MYH15: variants seen among roughly 807,000 people sequenced by gnomAD.
MYH15 encodes myosin-15.
A neutral mutation model predicts 240.5 loss-of-function variants in MYH15; 227 were observed. That is an observed-to-expected ratio of 0.94 (90% CI 0.85 to 1.05). The LOEUF is 1.05. Among genes scored for constraint, MYH15 ranks in the 50% least tolerant of loss-of-function variants. The pLI is 0.00. For synonymous variants in MYH15, 785 were observed against 796.7 expected, an observed-to-expected ratio of 0.99 and a Z score of 0.25; for missense variants, 2,217 against 2,247.5, an observed-to-expected ratio of 0.99 and a Z score of 0.27.
chr3:108,510,570 G>T lies in MYH15; in HGVS notation c.-40C>A. ...TCCACCAAAAAAAGGCCCTAAACGT[G>T]AGTAGGCAAGATTCAACCTGAAAAA... On this transcript the variant is annotated 5_prime_UTR_variant, in exon 1 of 41. Transcript: ENST00000693548. The T allele has an allele frequency of 1.9e-6, 3 of 1,602,634 alleles. 1 individual carries two copies. In the Middle Eastern group the frequency reaches 5.0e-4, roughly 267 times the overall value.
At chr3:108,465,165 G>A (rs1261982765) in intron 14 of MYH15, among the ~76,000 whole-genome samples, 2 of 152,188 alleles carry the variant, frequency 1.3e-5, no homozygotes, top group African/African-American at 4.8e-5. Context: ...AACACTCAAA[G>A]TAAAGAAGTA....
At chr3:108,484,939 G>A in intron 11 of MYH15, 152 bp downstream of exon 11, 1 of 711,500 alleles carries the variant, frequency 1.4e-6, no homozygotes, top group Non-Finnish European at 2.3e-6. Flanking sequence ...CATTAGAATG[G>A]TAGTTGACAG....
At chr3:108,490,916 C>T (rs1295287845) in intron 9 of MYH15, among the ~76,000 whole-genome samples, 2 of 151,208 alleles carry the variant, frequency 1.3e-5, no homozygotes, top group African/African-American at 2.4e-5. Flanking sequence ...GAGACAGAGT[C>T]TCACTCTGTT....
Position 108,439,907 on chromosome 3 carries a change from T to C in MYH15, c.2905A>G (p.Asn969Asp). Residue 969 changes from asparagine to aspartate, a missense_variant, in exon 24 of 41, where the codon AAC (asparagine) becomes GAC (aspartate). Asn to Asp is a conservative substitution (Grantham distance 23, BLOSUM62 1). Coordinates refer to ENST00000693548, the MANE Select transcript of MYH15 (RefSeq NM_014981.3). ...AGAAACTCTACTTCCTCAGTCAAGT[T>C]CTTGACCTGTGGGAAGAAGATGACA... is the stretch of plus-strand genomic sequence containing the variant. ...EKRTTEHKVKNLTEEVEFLNE... is the reference protein window; with the variant it reads ...EKRTTEHKVKDLTEEVEFLNE... 1 of 1,586,996 alleles carries C rather than the reference T, an allele frequency of 6.3e-7. No homozygotes were observed. The highest frequency in any genetic ancestry group is 8.6e-7 in the Non-Finnish European group (1 of 1,167,366).
At chr3:108,451,372 T>C (rs1022774470) in intron 21 of MYH15, among the ~76,000 whole-genome samples, 5 of 151,914 alleles carry the variant, frequency 3.3e-5, no homozygotes, top group Non-Finnish European at 7.4e-5. Flanking sequence ...AGAGAGAGAC[T>C]CTGTCTCAAA....
At chr3:108,507,814 C>T (rs1227048670) in intron 1 of MYH15, among the ~76,000 whole-genome samples, 2 of 152,046 alleles carry the variant, frequency 1.3e-5, no homozygotes, top group Non-Finnish European at 2.9e-5. Flanking sequence ...ATTTTGGTCC[C>T]TTTTTGCAAA....
rs747161753 is a variant in MYH15 at position 108,444,780 on chromosome 3, C to G, written c.2515G>C (p.Glu839Gln). ...TCTTCCTTCAGTCCAGCTACTTCTT[C>G]TCCTACTTCTGAAGATTTAACAAGA... ...KPLVKSSEVG[E>Q]EVAGLKEECA... The change falls in exon 22 of 41, where the codon GAA becomes CAA. Residue 839 changes from glutamate (E) to glutamine (Q), a missense_variant. By Grantham distance (29) the Glu-to-Gln change is conservative (BLOSUM62 2). Transcript: ENST00000693548. 3 of 1,614,088 alleles carry G rather than the reference C, an allele frequency of 1.9e-6. No individual in the cohort carries two copies. In the South Asian group the frequency reaches 3.3e-5, roughly 18 times the overall value.
At chr3:108,488,801 A>C (rs1286241042) in intron 9 of MYH15, among the ~76,000 whole-genome samples, 1 of 152,180 alleles carries the variant, frequency 6.6e-6, no homozygotes, top group Non-Finnish European at 1.5e-5. Flanking sequence ...ATGTATTCCC[A>C]GTAGTAGATG....
chr3:108,548,707 A>G, the MYH15 span, among the ~76,000 whole-genome samples: 1 of 152,172 alleles, frequency 6.6e-6, no homozygotes, highest in Non-Finnish European at 1.5e-5. Context: ...TGAAGGCAGG[A>G]AAAGAATCAA....
Position 108,461,481 on chromosome 3 carries a change from AT to A in MYH15, c.1865-1115del, listed in dbSNP as rs200489549. Among the ~76,000 whole-genome samples the A allele has an allele frequency of 4.1e-4, 63 of 152,294 alleles. 2 individuals are homozygous for A. The East Asian group carries it at 0.012, about 29-fold the overall frequency. ...ATTTTCAGAGGGTGCTTAAAGAATTATTTAAAAAAAAGGCCATTCTGAACAA... is the reference window on the plus strand; with the variant it reads ...ATTTTCAGAGGGTGCTTAAAGAATTATTAAAAAAAAGGCCATTCTGAACAA... On this transcript the variant is annotated intron_variant, in intron 16 of 40. Transcript: ENST00000693548.
rs745618134 is a variant in MYH15, at chr3:108,414,245, A to C, written c.4132T>G (p.Leu1378Val). The C allele has an allele frequency of 1.2e-6, 2 of 1,614,048 alleles. No individual in the cohort carries two copies. The highest frequency in any genetic ancestry group is 1.7e-6 in the Non-Finnish European group (2 of 1,179,956). Residue 1378 changes from leucine (L) to valine (V), a missense_variant, in exon 30 of 41, where the codon TTG becomes GTG. Transcript: ENST00000693548. ...TGCCCTACTCACTTGGCATCCTCCAAGTCTTCTGTTCTCTGGATGACATTG... is the reference window on the plus strand; with the variant it reads ...TGCCCTACTCACTTGGCATCCTCCACGTCTTCTGTTCTCTGGATGACATTG... ...ENNVIQRTEDLEDAKKELAIR... is the reference protein window; with the variant it reads ...ENNVIQRTEDVEDAKKELAIR...
chr3:108,414,960 C>T (rs1358612897), intron 29 of MYH15, among the ~76,000 whole-genome samples: 1 of 152,176 alleles, frequency 6.6e-6, no homozygotes, highest in African/African-American at 2.4e-5. Context: ...TCTCTATGTA[C>T]ACTGTCCAAT....
At chr3:108,504,555 A>G (rs1418591118) in intron 2 of MYH15, among the ~76,000 whole-genome samples, 1 of 152,220 alleles carries the variant, frequency 6.6e-6, no homozygotes, top group East Asian at 1.9e-4. Context: ...CTCGATATCA[A>G]TAATATCTGT....
At chr3:108,435,950 T>C (rs1014054951) in intron 25 of MYH15, among the ~76,000 whole-genome samples, 1 of 152,146 alleles carries the variant, frequency 6.6e-6, no homozygotes, top group African/African-American at 2.4e-5. Context: ...CATCTTCTAA[T>C]GGTTTTATGG....
intron 12 of MYH15, among the ~76,000 whole-genome samples, chr3:108,471,776 G>A (rs569797971): frequency 7.9e-5 from 12 of 152,208 alleles, no homozygotes; most frequent in Admixed American, 6.5e-4. Flanking sequence ...CAGCAGTCCT[G>A]AATGAAGTCT....
At position 108,469,585 on chromosome 3, in the gene MYH15, T is replaced by A. The variant is rs76978444; in HGVS notation, c.1554+457A>T. ...TGTCCAATTAAATGAACAAACTACA[T>A]CCTGCAAGGTAGTGGCCTTGAGGAT... On this transcript the variant is annotated intron_variant, in intron 14 of 40. Coordinates refer to ENST00000693548, the MANE Select transcript of MYH15 (RefSeq NM_014981.3). Among the ~76,000 whole-genome samples the A allele has an allele frequency of 5.3e-3, 814 of 152,312 alleles. 5 individuals carry two copies. The highest frequency in any genetic ancestry group is 0.015 in the African/African-American group (625 of 41,584).
At chr3:108,462,594 A>G (rs1283449244) in intron 16 of MYH15, among the ~76,000 whole-genome samples, 4 of 152,094 alleles carry the variant, frequency 2.6e-5, no homozygotes, top group Non-Finnish European at 5.9e-5. Context: ...TTTGTAAATT[A>G]CAAACTACTA....
chr3:108,519,638 A>G (rs1034192857), intron 1 of MYH15, among the ~76,000 whole-genome samples: 27 of 152,178 alleles, frequency 1.8e-4, no homozygotes, highest in African/African-American at 6.0e-4. Flanking sequence ...AGGCAAATAT[A>G]CCCTCCTATA....
At chr3:108,457,939 T>C (rs1419252360) in intron 18 of MYH15, among the ~76,000 whole-genome samples, 1 of 151,984 alleles carries the variant, frequency 6.6e-6, no homozygotes, top group African/African-American at 2.4e-5. Context: ...GAGGCTGAGG[T>C]ACAAGAATTG....
Sources: allele counts gnomAD v4.1 joint callset (sites outside exome capture counted in the v4.1 genomes callset), GRCh38; gene constraint gnomAD v4.1.1; transcripts MANE v1.5; gene names NCBI Gene and HGNC (gene_info 2026-07-23, HGNC 2026-07-21).